RPS6KC1: variants seen among roughly 807,000 people sequenced by gnomAD.
The protein encoded by RPS6KC1 is ribosomal protein S6 kinase C1, also known as inactive ribosomal protein S6 kinase delta-1.
RPS6KC1 carries 54 observed loss-of-function variants against 103.8 expected under a neutral mutation model. That is an observed-to-expected ratio of 0.52 (90% CI 0.42 to 0.65). The LOEUF (loss-of-function observed/expected upper bound fraction) is 0.65, where lower values mean the gene tolerates loss of function less well. Among genes scored for constraint, RPS6KC1 ranks in the 30% least tolerant of loss-of-function variants. The pLI is 0.00. For missense variants in RPS6KC1, 1,151 were observed against 1,253.8 expected (o/e 0.92, Z 1.24); for synonymous variants, 439 against 438.7 (o/e 1.00, Z -0.01).
chr1:213,513,660 A>G, the RPS6KC1 span, among the ~76,000 whole-genome samples: 2 of 152,214 alleles, frequency 1.3e-5, no homozygotes. Flanking sequence ...CAAACCCCAA[A>G]CTTACCATTT....
At chr1:213,737,335 G>A in the RPS6KC1 span, among the ~76,000 whole-genome samples, 146 of 152,198 alleles carry the variant, frequency 9.6e-4, no homozygotes, top group African/African-American at 2.9e-3. Context: ...AGTCACATTG[G>A]GGAAGACCTA....
intron 2 of RPS6KC1, among the ~76,000 whole-genome samples, chr1:213,075,656 C>T (rs1245605010): frequency 3.3e-5 from 5 of 152,182 alleles, no homozygotes; most frequent in Non-Finnish European, 5.9e-5. Context: ...GGGCATGGCA[C>T]CACCATTCTG....
intron 5 of RPS6KC1, among the ~76,000 whole-genome samples, chr1:213,120,970 T>G (rs938789929): frequency 2.6e-5 from 4 of 152,204 alleles, no homozygotes; most frequent in African/African-American, 7.2e-5. Flanking sequence ...TTATTTGTTT[T>G]GTGATAGGGT....
the RPS6KC1 span, among the ~76,000 whole-genome samples, chr1:213,421,259 G>A: frequency 4.0e-5 from 6 of 151,838 alleles, no homozygotes; most frequent in African/African-American, 1.2e-4. Context: ...TTACAGGTGC[G>A]CGCCACCATG....
chr1:213,836,908 C>A, the RPS6KC1 span, among the ~76,000 whole-genome samples: 3 of 152,162 alleles, frequency 2.0e-5, no homozygotes, highest in South Asian at 2.1e-4. Flanking sequence ...ACCTCTTTGG[C>A]TGAATATTTT....
rs144628240 is a variant in RPS6KC1 at position 213,075,164 on chromosome 1, T to G, written c.142-2532T>G. On this transcript the variant is annotated intron_variant, in intron 2 of 14. Transcript: ENST00000366960. The stretch of plus-strand genomic sequence containing the variant: ...CCACGCCCGGCCTAGAATAAAAATT[T>G]TATCTGCAAATCTAATTGTTTCCAT... Among the ~76,000 whole-genome samples, 267 of 152,210 alleles carry G rather than the reference T, an allele frequency of 1.8e-3. 1 individual carries two copies. The highest frequency in any genetic ancestry group is 2.9e-3 in the Admixed American group (45 of 15,272).
At chr1:213,708,567 G>C in the RPS6KC1 span, among the ~76,000 whole-genome samples, 21 of 152,082 alleles carry the variant, frequency 1.4e-4, no homozygotes, top group Non-Finnish European at 7.3e-5. Context: ...GATTACCTTG[G>C]CCAGAACTTC....
the RPS6KC1 span, among the ~76,000 whole-genome samples, chr1:213,581,897 G>A: frequency 2.2e-4 from 34 of 151,824 alleles, 2 homozygotes; most frequent in South Asian, 5.8e-3. Flanking sequence ...TTGATTTCAG[G>A]TGCAGCTAAA....
chr1:213,532,775 G>A, the RPS6KC1 span, among the ~76,000 whole-genome samples: 1 of 152,206 alleles, frequency 6.6e-6, no homozygotes, highest in Non-Finnish European at 1.5e-5. Context: ...CCAAGCAACT[G>A]CGTCATGGAT....
chr1:213,790,690 C>T, the RPS6KC1 span, among the ~76,000 whole-genome samples: 7 of 152,130 alleles, frequency 4.6e-5, no homozygotes, highest in African/African-American at 1.7e-4. Flanking sequence ...CACAAATACC[C>T]TGCCATCCAG....
chr1:213,710,446 T>C, the RPS6KC1 span, among the ~76,000 whole-genome samples: 1 of 152,212 alleles, frequency 6.6e-6, no homozygotes, highest in African/African-American at 2.4e-5. Flanking sequence ...TACAGCACAC[T>C]GACAGGTCTT....
the RPS6KC1 span, among the ~76,000 whole-genome samples, chr1:213,543,004 G>A: frequency 1.3e-3 from 199 of 152,262 alleles, 1 homozygote; most frequent in African/African-American, 4.5e-3. Context: ...ACTGACCTGG[G>A]GCAATAGCTG....
chr1:213,646,248 A>G, the RPS6KC1 span, among the ~76,000 whole-genome samples: 1 of 152,196 alleles, frequency 6.6e-6, no homozygotes, highest in Non-Finnish European at 1.5e-5. Context: ...GTGTGTTGTA[A>G]CAAAAAGGAA....
chr1:213,510,181 T>C, the RPS6KC1 span, among the ~76,000 whole-genome samples: 6 of 152,310 alleles, frequency 3.9e-5, no homozygotes, highest in Admixed American at 1.3e-4. Context: ...TTCAATTGCA[T>C]GCTCTGTTGT....
At chr1:213,794,028 C>T in the RPS6KC1 span, among the ~76,000 whole-genome samples, 1 of 152,102 alleles carries the variant, frequency 6.6e-6, no homozygotes, top group African/African-American at 2.4e-5. Flanking sequence ...AGAAAAACCG[C>T]AGAACATTTT....
At chr1:213,077,965 TTG>T in intron 3 of RPS6KC1, 149 bp downstream of exon 3, 2 of 425,392 alleles carry the variant, frequency 4.7e-6, no homozygotes, top group Non-Finnish European at 4.1e-6. Flanking sequence ...TTGTCTTTTC[TTG>T]TTCTTGTTAT....
chr1:213,728,806 G>T, the RPS6KC1 span, among the ~76,000 whole-genome samples: 1 of 152,096 alleles, frequency 6.6e-6, no homozygotes, highest in Non-Finnish European at 1.5e-5. Context: ...TTCCATATAG[G>T]TCACAGCTCC....
chr1:213,505,416 C>T, the RPS6KC1 span, among the ~76,000 whole-genome samples: 2 of 152,290 alleles, frequency 1.3e-5, no homozygotes, highest in Admixed American at 6.5e-5. Flanking sequence ...TGTCTGGATT[C>T]GAATCCCAGC....
At chr1:213,584,061 C>A in the RPS6KC1 span, among the ~76,000 whole-genome samples, 2 of 152,000 alleles carry the variant, frequency 1.3e-5, no homozygotes, top group Non-Finnish European at 2.9e-5. Flanking sequence ...TGGTTTCCCC[C>A]ATACTATTCT....
Sources: allele counts gnomAD v4.1 joint callset (sites outside exome capture counted in the v4.1 genomes callset), GRCh38; gene constraint gnomAD v4.1.1; transcripts MANE v1.5; gene names NCBI Gene and HGNC (gene_info 2026-07-23, HGNC 2026-07-21).